Variants in GRM5 observed in about 807,000 individuals in gnomAD.
GRM5 encodes metabotropic glutamate receptor 5.
GRM5 carries 19 observed loss-of-function variants against 83.1 expected under a neutral mutation model. The observed-to-expected ratio is 0.23, with a 90% CI of 0.16 to 0.34. The LOEUF (loss-of-function observed/expected upper bound fraction) is 0.34, where lower values mean the gene tolerates loss of function less well. Ranked by LOEUF, GRM5 falls within the 10% of genes least tolerant of loss-of-function variation. GRM5 has a pLI of 1.00. For synonymous variants in GRM5, 675 were observed against 633.6 expected (o/e 1.07, Z -0.98); for missense variants, 1,160 against 1,588.3 (o/e 0.73, Z 4.58).
chr11:88,687,533 T>C lies in GRM5; in HGVS notation c.912-34130A>G, dbSNP rs74962264. 6.8e-3 allele frequency among the ~76,000 whole-genome samples: 127 copies of C among 18,720 alleles called. 7 individuals are homozygous for C. Among genetic ancestry groups the C allele is most frequent in the Non-Finnish European group, 0.014 (87 of 6,352 alleles). The allele number at this position is 18,720 out of a possible 152,430, so 12.3% of individuals were successfully genotyped here. Reference sequence around the variant, plus strand: ...ACACACACACACACACACATACATATATATACACACACACACACACATATA... The same window carrying C: ...ACACACACACACACACACATACATACATATACACACACACACACACATATA... On this transcript the variant is annotated intron_variant, in intron 3 of 9. Coordinates refer to ENST00000305447, the MANE Select transcript of GRM5 (RefSeq NM_001143831.3).
chr11:88,838,668 C>A lies in GRM5; in HGVS notation c.911+11238G>T, dbSNP rs547968841. On this transcript the variant is annotated intron_variant, in intron 3 of 9. Coordinates refer to ENST00000305447, the MANE Select transcript of GRM5 (RefSeq NM_001143831.3). Reference sequence around the variant, plus strand: ...TAATATAATACTTTATGTGACTCTACAGTTACAAATGTTAAATTTGGCCTT... The same window carrying A: ...TAATATAATACTTTATGTGACTCTAAAGTTACAAATGTTAAATTTGGCCTT... 7.9e-5 allele frequency among the ~76,000 whole-genome samples: 12 copies of A among 152,300 alleles called. No individual in the cohort carries two copies. In the East Asian group the frequency reaches 2.1e-3, roughly 27 times the overall value.
chr11:89,009,051 T>A, intron 2 of GRM5: 4 of 743,914 alleles, frequency 5.4e-6, no homozygotes, highest in Non-Finnish European at 1.0e-5. Context: ...AAAGATAACA[T>A]CAATGTCTGA....
intron 9 of GRM5, among the ~76,000 whole-genome samples, chr11:88,510,763 G>A (rs972435971): frequency 6.6e-6 from 1 of 152,230 alleles, no homozygotes. Flanking sequence ...TGATCAACCT[G>A]CCTCAGCCTC....
At chr11:88,628,297 C>T (rs764860531) in intron 4 of GRM5, among the ~76,000 whole-genome samples, 8 of 152,098 alleles carry the variant, frequency 5.3e-5, no homozygotes, top group Non-Finnish European at 1.0e-4. Context: ...AGAGATTAAC[C>T]GCTAACTATT....
intron 2 of GRM5, chr11:88,984,644 A>G: frequency 2.2e-6 from 1 of 446,870 alleles, no homozygotes; most frequent in Non-Finnish European, 4.1e-6. Flanking sequence ...ATTAGAATAA[A>G]TGATATTCAC....
intron 4 of GRM5, among the ~76,000 whole-genome samples, chr11:88,641,509 C>T (rs1351226187): frequency 3.9e-5 from 6 of 152,174 alleles, no homozygotes; most frequent in African/African-American, 1.4e-4. Flanking sequence ...AGTCCCAAGT[C>T]CAATACCTCA....
chr11:88,853,820 A>C (rs544664001), intron 2 of GRM5, among the ~76,000 whole-genome samples: 6 of 151,682 alleles, frequency 4.0e-5, no homozygotes, highest in Non-Finnish European at 8.8e-5. Flanking sequence ...TTAGGGATAA[A>C]ATTCACAGAA....
At chr11:88,863,257 T>C (rs11021638) in intron 2 of GRM5, among the ~76,000 whole-genome samples, 1 of 151,846 alleles carries the variant, frequency 6.6e-6, no homozygotes, top group Non-Finnish European at 1.5e-5. Flanking sequence ...ATCCCATTAC[T>C]GAGTATATAC....
intron 2 of GRM5, among the ~76,000 whole-genome samples, chr11:89,022,539 C>A (rs1418601400): frequency 6.6e-6 from 1 of 150,614 alleles, no homozygotes; most frequent in Non-Finnish European, 1.5e-5. Flanking sequence ...GTAATCCCAG[C>A]TACTCAGGAG....
At chr11:88,987,208 G>A (rs1420389497) in intron 2 of GRM5, among the ~76,000 whole-genome samples, 4 of 152,084 alleles carry the variant, frequency 2.6e-5, no homozygotes, top group Non-Finnish European at 5.9e-5. Flanking sequence ...AAGTGCAAGG[G>A]GTCAGGGATT....
At chr11:88,951,891 T>G (rs542419386) in intron 2 of GRM5, among the ~76,000 whole-genome samples, 65 of 152,318 alleles carry the variant, frequency 4.3e-4, no homozygotes, top group African/African-American at 1.5e-3. Context: ...ATGCATTACT[T>G]CACTTCTCAA....
At chr11:88,714,555 TC>T in intron 3 of GRM5, among the ~76,000 whole-genome samples, 1 of 152,080 alleles carries the variant, frequency 6.6e-6, no homozygotes, top group African/African-American at 2.4e-5. Flanking sequence ...ATCTGGACAG[TC>T]CTCCAAATCC....
chr11:89,063,830 C>G (rs1202107331), intron 1 of GRM5, among the ~76,000 whole-genome samples: 1 of 152,168 alleles, frequency 6.6e-6, no homozygotes, highest in Non-Finnish European at 1.5e-5. Context: ...CTGGGTGAAT[C>G]TGGATGGGTA....
chr11:88,970,721 T>C (rs1939141654), intron 2 of GRM5, among the ~76,000 whole-genome samples: 1 of 152,184 alleles, frequency 6.6e-6, no homozygotes, highest in African/African-American at 2.4e-5. Context: ...TTCTAACTGA[T>C]AAATTTGTCT....
In GRM5 at chr11:88,765,146, A is replaced by G. The variant is rs112957789; in HGVS notation, c.911+84760T>C. Among the ~76,000 whole-genome samples the G allele has an allele frequency of 2.9e-4, 44 of 151,580 alleles. 2 individuals are homozygous for G. The highest frequency in any genetic ancestry group is 9.2e-4 in the African/African-American group (38 of 41,372). Reference sequence around the variant, plus strand: ...AAACACACAAAACCTCCAAGACTAAATCATAAAGAAATAGAATATCTGAAT... The same window carrying G: ...AAACACACAAAACCTCCAAGACTAAGTCATAAAGAAATAGAATATCTGAAT... On this transcript the variant is annotated intron_variant, in intron 3 of 9. Coordinates refer to ENST00000305447, the MANE Select transcript of GRM5 (RefSeq NM_001143831.3).
intron 3 of GRM5, among the ~76,000 whole-genome samples, chr11:88,717,448 C>T (rs72962543): frequency 0.047 from 7,205 of 151,814 alleles, 166 homozygotes; most frequent in Middle Eastern, 0.071. Flanking sequence ...ACCCTATATA[C>T]TAGATCTCTT....
chr11:88,955,097 CACAAA>C (rs1938568394), intron 2 of GRM5, among the ~76,000 whole-genome samples: 1 of 152,076 alleles, frequency 6.6e-6, no homozygotes, highest in Admixed American at 6.6e-5. Context: ...ATAGTGGTAA[CACAAA>C]GCCAACAAGC....
chr11:88,669,077 A>C (rs1297610793), intron 3 of GRM5, among the ~76,000 whole-genome samples: 1 of 152,166 alleles, frequency 6.6e-6, no homozygotes, highest in Non-Finnish European at 1.5e-5. Flanking sequence ...TTTTGAAGAG[A>C]TATATACACC....
intron 3 of GRM5, among the ~76,000 whole-genome samples, chr11:88,708,583 A>G (rs1941212328): frequency 6.6e-6 from 1 of 152,140 alleles, no homozygotes; most frequent in Non-Finnish European, 1.5e-5. Context: ...TGAAGACCAC[A>G]TCTACAGCAG....
Sources: gnomAD v4.1 joint callset for allele counts (sites outside exome capture counted in the v4.1 genomes callset) on GRCh38, gnomAD v4.1.1 for gene constraint, MANE v1.5 for transcripts, NCBI Gene and HGNC (gene_info 2026-07-23, HGNC 2026-07-21) for gene names.